Variants in SNX29 observed in about 807,000 individuals in gnomAD.
SNX29 encodes sorting nexin-29.
A neutral mutation model predicts 102.1 loss-of-function variants in SNX29; 78 were observed. That is an observed-to-expected ratio of 0.76 (90% CI 0.64 to 0.92). SNX29 has a LOEUF of 0.92. Ranked by LOEUF, SNX29 falls within the 40% of genes least tolerant of loss-of-function variation. SNX29 has a pLI of 0.00. For missense variants in SNX29, 1,280 were observed against 1,061.7 expected (o/e 1.21, Z -2.86); for synonymous variants, 580 against 414.5 (o/e 1.40, Z -4.85).
At chr16:12,532,906 G>A (rs937740080) in intron 20 of SNX29, among the ~76,000 whole-genome samples, 9 of 152,258 alleles carry the variant, frequency 5.9e-5, no homozygotes, top group African/African-American at 9.6e-5. Flanking sequence ...GCCCCAGAGC[G>A]TTAAGAACAG....
At chr16:12,204,436 C>T (rs1450323956) in intron 14 of SNX29, among the ~76,000 whole-genome samples, 1 of 152,214 alleles carries the variant, frequency 6.6e-6, no homozygotes, top group South Asian at 2.1e-4. Flanking sequence ...TAAAGCTTTT[C>T]CTCCTACCTC....
intron 18 of SNX29, among the ~76,000 whole-genome samples, chr16:12,442,045 G>C (rs1431722058): frequency 2.6e-5 from 4 of 152,148 alleles, no homozygotes; most frequent in African/African-American, 7.2e-5. Context: ...CTCCCAAAGT[G>C]CTGGGATTAC....
intron 14 of SNX29, among the ~76,000 whole-genome samples, chr16:12,268,043 C>T (rs1378948925): frequency 3.9e-5 from 6 of 152,208 alleles, no homozygotes; most frequent in African/African-American, 1.2e-4. Context: ...ACGTTCTCTG[C>T]AGGGCTGTGC....
intron 3 of SNX29, among the ~76,000 whole-genome samples, chr16:12,025,923 G>A (rs930232904): frequency 1.3e-5 from 2 of 152,188 alleles, no homozygotes; most frequent in African/African-American, 4.8e-5. Flanking sequence ...AGGAGGTCAC[G>A]TAAATGTCAG....
At position 12,242,337 on chromosome 16, in the gene SNX29, C is replaced by A. The variant is rs2078128815; in HGVS notation, c.1679-35596C>A. Among the ~76,000 whole-genome samples the A allele has an allele frequency of 2.1e-5, 3 of 142,424 alleles. No homozygotes were observed. The South Asian group carries it at 6.6e-4, about 31-fold the overall frequency. 93.4% of individuals were successfully genotyped at this position (142,424 alleles called of 152,430 possible). The stretch of plus-strand genomic sequence containing the variant: ...TGGCATTAGATTCTCATAGGAGAAT[C>A]TAATTATATATAATAATATATATAT... On this transcript the variant is annotated intron_variant, in intron 14 of 20. Transcript: ENST00000566228.
chr16:12,175,565 C>G (rs983061697), intron 13 of SNX29, among the ~76,000 whole-genome samples: 1 of 151,890 alleles, frequency 6.6e-6, no homozygotes, highest in African/African-American at 2.4e-5. Context: ...GCACAAGAAT[C>G]TCTTGAACCT....
intron 4 of SNX29, among the ~76,000 whole-genome samples, chr16:12,030,610 C>T (rs1471532055): frequency 6.6e-6 from 1 of 152,166 alleles, no homozygotes; most frequent in Non-Finnish European, 1.5e-5. Flanking sequence ...GTTTTCCTGC[C>T]TTCAGTCTTG....
intron 14 of SNX29, among the ~76,000 whole-genome samples, chr16:12,217,709 A>G (rs1030725058): frequency 4.6e-5 from 7 of 152,192 alleles, no homozygotes; most frequent in African/African-American, 1.7e-4. Context: ...TGGATTTACC[A>G]TGGGCATATG....
chr16:12,571,917 G>C lies in SNX29; in HGVS notation c.*3288G>C, dbSNP rs1407910495. On this transcript the variant is annotated 3_prime_UTR_variant, in exon 21 of 21. Coordinates refer to ENST00000566228, the MANE Select transcript of SNX29 (RefSeq NM_032167.5). ...AGCCCCCTGCATTTCTCTACTGGCAGGCCCTGGTGAAGGAAGACACTTTCA... is the reference window on the plus strand; with the variant it reads ...AGCCCCCTGCATTTCTCTACTGGCACGCCCTGGTGAAGGAAGACACTTTCA... 1 of 1,062,230 alleles carries C rather than the reference G, an allele frequency of 9.4e-7. No individual in the cohort carries two copies. 65.8% of individuals were successfully genotyped at this position (1,062,230 alleles called of 1,614,324 possible).
intron 18 of SNX29, among the ~76,000 whole-genome samples, chr16:12,455,067 A>G (rs1001115343): frequency 6.6e-6 from 1 of 152,084 alleles, no homozygotes; most frequent in Non-Finnish European, 1.5e-5. Context: ...ACTTTAATTT[A>G]CACTTGGGAA....
intron 19 of SNX29, among the ~76,000 whole-genome samples, chr16:12,523,394 C>G (rs1016164594): frequency 1.3e-5 from 2 of 152,236 alleles, no homozygotes; most frequent in African/African-American, 4.8e-5. Context: ...TCTCTCAGCT[C>G]TTTGTTTCTT....
intron 20 of SNX29, among the ~76,000 whole-genome samples, chr16:12,533,423 A>C (rs893105822): frequency 2.0e-5 from 3 of 151,488 alleles, no homozygotes; most frequent in Admixed American, 6.6e-5. Context: ...GCATATTTCC[A>C]CCCCACAGGA....
At chr16:12,206,174 C>G (rs541028777) in intron 14 of SNX29, among the ~76,000 whole-genome samples, 1 of 152,194 alleles carries the variant, frequency 6.6e-6, no homozygotes, top group East Asian at 1.9e-4. Flanking sequence ...TCATTCAGAG[C>G]TCTTGTGATG....
intron 19 of SNX29, among the ~76,000 whole-genome samples, chr16:12,482,112 G>A (rs1346692343): frequency 1.3e-5 from 2 of 152,162 alleles, no homozygotes; most frequent in Non-Finnish European, 2.9e-5. Flanking sequence ...TTTTTGGAGT[G>A]TGTTGATTCT....
intron 16 of SNX29, among the ~76,000 whole-genome samples, chr16:12,380,799 A>G (rs1266451720): frequency 1.6e-3 from 79 of 48,628 alleles, no homozygotes; most frequent in Non-Finnish European, 3.1e-3. Flanking sequence ...CCACCCACAC[A>G]CCATCCATCC....
At chr16:12,302,992 C>A (rs1020167762) in intron 15 of SNX29, among the ~76,000 whole-genome samples, 2 of 152,124 alleles carry the variant, frequency 1.3e-5, no homozygotes, top group African/African-American at 4.8e-5. Context: ...AAACACCTGC[C>A]CAAAGGTCAT....
chr16:12,559,605 G>C (rs530332200), intron 20 of SNX29, among the ~76,000 whole-genome samples: 4 of 152,054 alleles, frequency 2.6e-5, no homozygotes, highest in South Asian at 4.2e-4. Context: ...GTTGGGGACT[G>C]CTGCCACGTG....
At position 12,434,597 on chromosome 16, in the gene SNX29, A is replaced by T. The variant is rs577417755; in HGVS notation, c.2037+31068A>T. 3.2e-3 allele frequency among the ~76,000 whole-genome samples: 490 copies of T among 152,200 alleles called. 3 individuals carry two copies. Among genetic ancestry groups the T allele is most frequent in the Middle Eastern group, 0.01 (3 of 292 alleles). On this transcript the variant is annotated intron_variant, in intron 18 of 20. Transcript: ENST00000566228. The stretch of plus-strand genomic sequence containing the variant: ...CAGCCTTGTGTACCCTGCAACCCCC[A>T]AAGCAGGGCCTTCCCATAACCCACC...
At chr16:12,505,763 CAAAAAAAAAA>C (rs61113263) in intron 19 of SNX29, among the ~76,000 whole-genome samples, 1 of 75,876 alleles carries the variant, frequency 1.3e-5, no homozygotes, top group Non-Finnish European at 2.3e-5. Flanking sequence ...GTCAATTCTG[CAAAAAAAAAA>C]AAAAAAAAAA....
Sources: gnomAD v4.1 joint callset for allele counts (sites outside exome capture counted in the v4.1 genomes callset) on GRCh38, gnomAD v4.1.1 for gene constraint, MANE v1.5 for transcripts, NCBI Gene and HGNC (gene_info 2026-07-23, HGNC 2026-07-21) for gene names.